The following LINGO2 variants were observed in gnomAD, a reference collection of about 807,000 sequenced individuals.
The protein encoded by LINGO2 is leucine rich repeat and Ig domain containing 2, also known as leucine-rich repeat and immunoglobulin-like domain-containing nogo receptor-interacting protein 2.
Under a neutral mutation model 30.6 loss-of-function variants are expected in LINGO2, and 14 were observed. The observed-to-expected ratio is 0.46, with a 90% CI of 0.30 to 0.72. LINGO2 has a LOEUF of 0.72. Among genes scored for constraint, LINGO2 ranks in the 30% least tolerant of loss-of-function variants. The pLI is 0.07. For missense variants in LINGO2, 729 were observed against 751.7 expected, an observed-to-expected ratio of 0.97 and a Z score of 0.35; for synonymous variants, 317 against 288.5, an observed-to-expected ratio of 1.10 and a Z score of -1.00.
intron 1 of LINGO2, among the ~76,000 whole-genome samples, chr9:28,565,697 G>A (rs991900452): frequency 2.8e-4 from 43 of 151,228 alleles, no homozygotes; most frequent in Middle Eastern, 3.4e-3. Context: ...GACTACAGGC[G>A]CCCACCACCA....
Position 28,505,186 on chromosome 9 carries a change from A to C in LINGO2, c.-364-29161T>G, listed in dbSNP as rs139887534. ...CTATTGAACAAATTATTTTATGTTTAAGAAATATTACTAGAAATTCAGTCT... is the reference window on the plus strand; with the variant it reads ...CTATTGAACAAATTATTTTATGTTTCAGAAATATTACTAGAAATTCAGTCT... On this transcript the variant is annotated intron_variant, in intron 1 of 5. Coordinates refer to ENST00000379992, the Ensembl canonical transcript of LINGO2. Among the ~76,000 whole-genome samples the C allele has an allele frequency of 4.9e-3, 744 of 152,068 alleles. 6 individuals carry two copies. The highest frequency in any genetic ancestry group is 0.017 in the African/African-American group (692 of 41,546).
At chr9:28,938,634 C>T in the LINGO2 span, among the ~76,000 whole-genome samples, 1 of 152,146 alleles carries the variant, frequency 6.6e-6, no homozygotes, top group African/African-American at 2.4e-5. Flanking sequence ...CATTACATTA[C>T]AACTGCATAC....
At chr9:28,478,264 C>A (rs561667189) in intron 1 of LINGO2, among the ~76,000 whole-genome samples, 30 of 152,182 alleles carry the variant, frequency 2.0e-4, no homozygotes, top group African/African-American at 6.5e-4. Flanking sequence ...TTTTAACTAG[C>A]AGCATTTGTT....
the LINGO2 span, among the ~76,000 whole-genome samples, chr9:28,830,336 G>A: frequency 1.3e-5 from 2 of 152,114 alleles, no homozygotes; most frequent in East Asian, 1.9e-4. Context: ...GGCCAGGCAG[G>A]GGAGAATAAC....
intron 4 of LINGO2, among the ~76,000 whole-genome samples, chr9:28,161,770 T>C (rs1462546430): frequency 6.6e-6 from 1 of 152,068 alleles, no homozygotes. Flanking sequence ...TATCAAATCA[T>C]ACTTCAGAAA....
chr9:29,110,313 T>A, the LINGO2 span, among the ~76,000 whole-genome samples: 1 of 152,200 alleles, frequency 6.6e-6, no homozygotes, highest in Non-Finnish European at 1.5e-5. Flanking sequence ...CAGATGTCTG[T>A]ACAGCTACAG....
intron 1 of LINGO2, among the ~76,000 whole-genome samples, chr9:28,651,255 A>G (rs1828090863): frequency 6.6e-6 from 1 of 152,116 alleles, no homozygotes; most frequent in African/African-American, 2.4e-5. Flanking sequence ...CAGCTTGACC[A>G]CAGTGTCCTG....
At chr9:28,219,592 G>A (rs1046538033) in intron 4 of LINGO2, among the ~76,000 whole-genome samples, 3 of 152,044 alleles carry the variant, frequency 2.0e-5, no homozygotes, top group African/African-American at 4.8e-5. Flanking sequence ...TTATATTAAG[G>A]TTCTGTTTTG....
chr9:28,426,152 T>G (rs1823402024), intron 2 of LINGO2, among the ~76,000 whole-genome samples: 1 of 151,960 alleles, frequency 6.6e-6, no homozygotes, highest in South Asian at 2.1e-4. Flanking sequence ...GACACACACA[T>G]GCACACACAC....
the LINGO2 span, among the ~76,000 whole-genome samples, chr9:29,149,435 CAA>C: frequency 1.3e-5 from 2 of 151,658 alleles, no homozygotes; most frequent in African/African-American, 2.4e-5. Flanking sequence ...ACAGATATTT[CAA>C]GAGAAAACAC....
the LINGO2 span, among the ~76,000 whole-genome samples, chr9:28,753,452 G>C: frequency 6.6e-6 from 1 of 152,034 alleles, no homozygotes; most frequent in East Asian, 1.9e-4. Context: ...ACTCTCTTCA[G>C]AGTTAGTCCT....
intron 1 of LINGO2, among the ~76,000 whole-genome samples, chr9:28,655,204 T>C (rs1388440770): frequency 1.3e-5 from 2 of 152,088 alleles, no homozygotes; most frequent in Middle Eastern, 3.2e-3. Context: ...TTCTTCTTCC[T>C]GCTGCCATGT....
chr9:29,006,343 A>G, the LINGO2 span, among the ~76,000 whole-genome samples: 1 of 151,940 alleles, frequency 6.6e-6, no homozygotes, highest in Non-Finnish European at 1.5e-5. Context: ...AGTATTATCA[A>G]TATACATAAA....
At chr9:28,582,615 T>C (rs1173306039) in intron 1 of LINGO2, among the ~76,000 whole-genome samples, 1 of 152,012 alleles carries the variant, frequency 6.6e-6, no homozygotes, top group Non-Finnish European at 1.5e-5. Flanking sequence ...CACTCTAACA[T>C]AGCTAAAGTC....
At chr9:28,056,915 T>A (rs775200099) in intron 4 of LINGO2, among the ~76,000 whole-genome samples, 35 of 152,200 alleles carry the variant, frequency 2.3e-4, no homozygotes, top group Non-Finnish European at 3.5e-4. Context: ...GCATGCTACA[T>A]AATTGTCACA....
chr9:28,881,418 C>T, the LINGO2 span, among the ~76,000 whole-genome samples: 1 of 152,004 alleles, frequency 6.6e-6, no homozygotes, highest in African/African-American at 2.4e-5. Context: ...GCCACCATGC[C>T]GGTCAGAATA....
the LINGO2 span, among the ~76,000 whole-genome samples, chr9:29,154,167 A>T: frequency 1.3e-5 from 2 of 152,172 alleles, no homozygotes; most frequent in African/African-American, 4.8e-5. Context: ...ACAAGGGGCC[A>T]GGCACGGTGG....
At chr9:28,109,876 C>T (rs1280334641) in intron 4 of LINGO2, among the ~76,000 whole-genome samples, 1 of 151,322 alleles carries the variant, frequency 6.6e-6, no homozygotes, top group Non-Finnish European at 1.5e-5. Flanking sequence ...TTATTCACAG[C>T]ATTAGAAAAA....
At chr9:29,001,551 A>C in the LINGO2 span, among the ~76,000 whole-genome samples, 1 of 152,016 alleles carries the variant, frequency 6.6e-6, no homozygotes, top group African/African-American at 2.4e-5. Flanking sequence ...CTTCCTTGCT[A>C]CTTGGGCTAT....
Sources: allele counts gnomAD v4.1 joint callset (sites outside exome capture counted in the v4.1 genomes callset), GRCh38; gene constraint gnomAD v4.1.1; transcripts MANE v1.5; gene names NCBI Gene and HGNC (gene_info 2026-07-23, HGNC 2026-07-21).